The following USP34 variants were observed in gnomAD, a reference collection of about 807,000 sequenced individuals.
USP34 encodes the protein ubiquitin specific peptidase 34.
Under a neutral mutation model 460.3 loss-of-function variants are expected in USP34, and 70 were observed. The ratio of observed to expected loss-of-function variants is 0.15; its 90% CI spans 0.13 to 0.19. The LOEUF is 0.19. USP34 is among the 10% of genes least tolerant of loss of function. USP34 has a pLI of 1.00. For synonymous variants in USP34, 1,647 were observed against 1,405.3 expected (o/e 1.17, Z -3.85); for missense variants, 3,985 against 4,236.2 (o/e 0.94, Z 1.65).
chr2:61,204,677 CTA>C, intron 72 of USP34, 76 bp from the exon 73 acceptor site: 1 of 1,148,728 alleles, frequency 8.7e-7, no homozygotes, highest in Non-Finnish European at 1.3e-6. Flanking sequence ...CTTACAAATC[CTA>C]TGATTGCCTC....
At chr2:61,469,019 C>A (rs1271869574) in intron 1 of USP34, among the ~76,000 whole-genome samples, 2 of 152,068 alleles carry the variant, frequency 1.3e-5, no homozygotes, top group Non-Finnish European at 1.5e-5. Context: ...CCAGCCTGAC[C>A]AACATGGTGA....
chr2:61,455,218 A>G (rs780397868), intron 1 of USP34, among the ~76,000 whole-genome samples: 6 of 151,410 alleles, frequency 4.0e-5, no homozygotes, highest in Admixed American at 6.6e-5. Flanking sequence ...TCCGTCTGTC[A>G]CCCAACCTGG....
At chr2:61,243,601 C>A (rs1461367970) in intron 51 of USP34, among the ~76,000 whole-genome samples, 1 of 145,666 alleles carries the variant, frequency 6.9e-6, no homozygotes, top group Non-Finnish European at 1.5e-5. Context: ...CGGCTGAGTA[C>A]GGTGGCTCAT....
In USP34 at chr2:61,377,592, T is replaced by C. The variant is rs147866056; in HGVS notation, c.1076+771A>G. ...GAGACCTCTCTACCTCTTTCCACCA[T>C]GCGAAAATAAAAGAAAATGGCCATC... On this transcript the variant is annotated intron_variant, in intron 8 of 79. Transcript: ENST00000398571. Among the ~76,000 whole-genome samples the C allele has an allele frequency of 5.9e-5, 9 of 152,010 alleles. No individual in the cohort carries two copies. In the East Asian group the frequency reaches 1.4e-3, roughly 23 times the overall value.
intron 30 of USP34, 69 bp from the exon 31 acceptor site, chr2:61,295,359 A>T: frequency 6.7e-7 from 1 of 1,484,610 alleles, no homozygotes; most frequent in Non-Finnish European, 9.0e-7. Flanking sequence ...AACTTTAAAC[A>T]AACTGACACT....
intron 21 of USP34, among the ~76,000 whole-genome samples, chr2:61,321,576 ACCAGAAACACCAATATAG>A (rs1690924711): frequency 2.6e-5 from 4 of 152,258 alleles, no homozygotes; most frequent in Admixed American, 1.3e-4. Flanking sequence ...AAATGAATGT[ACCAGAAACACCAATATAG>A]CCAGAAACAC....
At chr2:61,461,812 T>C (rs1371023186) in intron 1 of USP34, among the ~76,000 whole-genome samples, 5 of 152,162 alleles carry the variant, frequency 3.3e-5, no homozygotes, top group African/African-American at 1.2e-4. Context: ...TAAACTCACG[T>C]CTAGAAATCT....
At chr2:61,340,921 C>T (rs1037949610) in intron 16 of USP34, among the ~76,000 whole-genome samples, 9 of 126,688 alleles carry the variant, frequency 7.1e-5, no homozygotes, top group African/African-American at 2.1e-4. Flanking sequence ...ATAATTTTAT[C>T]GAAATACATA....
Position 61,257,848 on chromosome 2 carries a change from C to A in USP34, c.5845-498G>T, listed in dbSNP as rs181794631. On this transcript the variant is annotated intron_variant, in intron 44 of 79. Transcript: ENST00000398571. ...CGAGATCGTGCCACTGCACTCCAGC[C>A]TGGCAACAGCAAGACTCCATCTCCA... is the stretch of plus-strand genomic sequence containing the variant. 6.3e-3 allele frequency among the ~76,000 whole-genome samples: 957 copies of A among 152,256 alleles called. 8 individuals are homozygous for A. Among genetic ancestry groups the A allele is most frequent in the Non-Finnish European group, 0.011 (740 of 68,020 alleles).
In USP34 at chr2:61,265,228, A is replaced by G. The variant is rs76811073; in HGVS notation, c.5778+169T>C. The G allele has an allele frequency of 2.7e-3, 1,925 of 712,144 alleles. 28 individuals carry two copies. In the African/African-American group the frequency reaches 0.031, roughly 12 times the overall value. 44.1% of individuals were successfully genotyped at this position (712,144 alleles called of 1,614,324 possible). A position where few individuals can be genotyped will look rare whatever the true frequency, so the allele number is the denominator to read the frequency against. On this transcript the variant is annotated intron_variant, in intron 43 of 79. Coordinates refer to ENST00000398571, the MANE Select transcript of USP34 (RefSeq NM_014709.4). ...TGTACTACAGCATTATGAGTAATCT[A>G]CTAAAATGTATAACTATGTAAAATA...
Position 61,245,193 on chromosome 2 carries a change from T to C in USP34, c.6627+17A>G, listed in dbSNP as rs1246022956. ...TGGAAGGACACAAACCATTTATAAT[T>C]TCTGAATAAAACTTACCGTCATCTC... On this transcript the variant is annotated intron_variant, in intron 51 of 79. Coordinates refer to ENST00000398571, the MANE Select transcript of USP34 (RefSeq NM_014709.4). 6.3e-7 allele frequency: 1 copy of C among 1,599,608 alleles called. No homozygotes were observed. The highest frequency in any genetic ancestry group is 1.7e-5 in the Admixed American group (1 of 59,586).
chr2:61,286,603 C>T (rs1322792605), intron 34 of USP34, among the ~76,000 whole-genome samples: 2 of 151,916 alleles, frequency 1.3e-5, no homozygotes, highest in Admixed American at 6.6e-5. Flanking sequence ...TGCAGTGAGC[C>T]GAGATGGCGC....
intron 75 of USP34, 133 bp downstream of exon 75, chr2:61,203,007 A>C (rs1419207260): frequency 1.0e-6 from 1 of 982,674 alleles, no homozygotes; most frequent in African/African-American, 1.7e-5. Context: ...AATGTTCCCA[A>C]GAATATTAAT....
chr2:61,470,601 G>T (rs757171875), intron 1 of USP34, 49 bp downstream of exon 1: 9 of 1,348,562 alleles, frequency 6.7e-6, no homozygotes, highest in South Asian at 1.2e-5. Flanking sequence ...AGAGCTGCGC[G>T]AGGACCCCAA....
chr2:61,246,985 T>TA (rs1221344087), intron 49 of USP34, among the ~76,000 whole-genome samples: 79 of 151,910 alleles, frequency 5.2e-4, no homozygotes, highest in African/African-American at 1.5e-3. Context: ...GGTTTCCTTT[T>TA]AAAAAAAAGG....
At chr2:61,395,055 A>G in intron 4 of USP34, 53 bp from the exon 5 acceptor site, 1 of 1,527,236 alleles carries the variant, frequency 6.5e-7, no homozygotes, top group South Asian at 1.3e-5. Flanking sequence ...AATAATTTTT[A>G]TCTTAGCAAT....
At chr2:61,228,441 T>C (rs570715062) in intron 61 of USP34, among the ~76,000 whole-genome samples, 1 of 152,348 alleles carries the variant, frequency 6.6e-6, no homozygotes, top group African/African-American at 2.4e-5. Context: ...TACCAATGAA[T>C]GAACTTCATT....
chr2:61,328,300 C>CAA (rs200821675), intron 20 of USP34, among the ~76,000 whole-genome samples: 74 of 94,106 alleles, frequency 7.9e-4, no homozygotes, highest in South Asian at 6.5e-3. Flanking sequence ...AAAACTCCGT[C>CAA]AAAAAAAAAA....
At position 61,295,359 on chromosome 2, in the gene USP34, A is replaced by C. The variant is rs1184547715; in HGVS notation, c.4255-69T>G. 22 of 1,484,492 alleles carry C rather than the reference A, an allele frequency of 1.5e-5. No homozygotes were observed. In the East Asian group the frequency reaches 2.1e-4, roughly 14 times the overall value. 92.0% of individuals were successfully genotyped at this position (1,484,492 alleles called of 1,614,324 possible). On this transcript the variant is annotated intron_variant, in intron 30 of 79. Coordinates refer to ENST00000398571, the MANE Select transcript of USP34 (RefSeq NM_014709.4). ...AACACAAAAAAGAAAAACTTTAAACAAACTGACACTACATAAAAACTCAAA... is the reference window on the plus strand; with the variant it reads ...AACACAAAAAAGAAAAACTTTAAACCAACTGACACTACATAAAAACTCAAA...
Sources: allele counts gnomAD v4.1 joint callset (sites outside exome capture counted in the v4.1 genomes callset), GRCh38; gene constraint gnomAD v4.1.1; transcripts MANE v1.5; gene names NCBI Gene and HGNC (gene_info 2026-07-23, HGNC 2026-07-21).